PDZRN3: variants seen among roughly 807,000 people sequenced by gnomAD.
PDZRN3 encodes the protein PDZ domain containing ring finger 3.
In PDZRN3, 38 loss-of-function variants were observed where a neutral mutation model predicts 85.7. That is an observed-to-expected ratio of 0.44 (90% CI 0.34 to 0.58). PDZRN3 has a LOEUF of 0.58. PDZRN3 is among the 20% of genes least tolerant of loss of function. PDZRN3 has a pLI of 0.01. For synonymous variants in PDZRN3, 759 were observed against 638.0 expected (o/e 1.19, Z -2.86); for missense variants, 1,629 against 1,506.4 (o/e 1.08, Z -1.35).
intron 3 of PDZRN3, among the ~76,000 whole-genome samples, chr3:73,452,064 G>C (rs941393517): frequency 2.4e-4 from 36 of 152,136 alleles, no homozygotes; most frequent in African/African-American, 8.0e-4. Flanking sequence ...AGTTAGCTCA[G>C]CTATGGGCTA....
chr3:73,547,085 C>T (rs1170804617), intron 3 of PDZRN3, among the ~76,000 whole-genome samples: 1 of 152,098 alleles, frequency 6.6e-6, no homozygotes, highest in Non-Finnish European at 1.5e-5. Context: ...TTCCTTCCAC[C>T]CCACTCACGA....
chr3:73,469,884 C>A (rs571540203), intron 3 of PDZRN3, among the ~76,000 whole-genome samples: 1 of 152,338 alleles, frequency 6.6e-6, no homozygotes, highest in South Asian at 2.1e-4. Context: ...TTCTCAACTT[C>A]AGCCCTGTTG....
rs377746907 is a variant in PDZRN3, at chr3:73,572,624, A to G, written c.918+29730T>C. ...CCACAGTTGGTTGCGTCCTTGTTCC[A>G]AGCACACCTGAGTCACTGCAAGCAG... On this transcript the variant is annotated intron_variant, in intron 3 of 9. Transcript: ENST00000263666. Among the ~76,000 whole-genome samples the G allele has an allele frequency of 3.7e-4, 56 of 152,298 alleles. No individual in the cohort carries two copies. The South Asian group carries it at 0.011, about 31-fold the overall frequency.
chr3:73,414,500 A>AT (rs1204867545), intron 3 of PDZRN3, among the ~76,000 whole-genome samples: 2 of 152,228 alleles, frequency 1.3e-5, no homozygotes, highest in Non-Finnish European at 2.9e-5. Context: ...ATCAAAATTA[A>AT]TTTTGGCTCC....
At chr3:73,459,645 G>T (rs886208750) in intron 3 of PDZRN3, among the ~76,000 whole-genome samples, 1 of 152,116 alleles carries the variant, frequency 6.6e-6, no homozygotes. Context: ...TAAGGATAAT[G>T]CCCCCCAACT....
At chr3:73,501,613 CA>C (rs1401104505) in intron 3 of PDZRN3, among the ~76,000 whole-genome samples, 1 of 152,196 alleles carries the variant, frequency 6.6e-6, no homozygotes, top group Non-Finnish European at 1.5e-5. Context: ...GAAGTGGATG[CA>C]ACGCGAGGCT....
chr3:73,539,844 C>G (rs985426682), intron 3 of PDZRN3, among the ~76,000 whole-genome samples: 4 of 151,842 alleles, frequency 2.6e-5, no homozygotes, highest in African/African-American at 9.7e-5. Flanking sequence ...TACACAATTC[C>G]AAGCATCAGA....
intron 3 of PDZRN3, among the ~76,000 whole-genome samples, chr3:73,455,454 C>T (rs906249505): frequency 9.2e-5 from 14 of 152,176 alleles, no homozygotes; most frequent in Admixed American, 2.0e-4. Flanking sequence ...GTCCCGACTC[C>T]ACACTTGTGA....
At chr3:73,413,884 A>G (rs1423861480) in intron 3 of PDZRN3, among the ~76,000 whole-genome samples, 1 of 152,160 alleles carries the variant, frequency 6.6e-6, no homozygotes, top group Non-Finnish European at 1.5e-5. Context: ...AGCTGAGTCT[A>G]CTGACCTTTC....
At chr3:73,441,014 C>T (rs907423292) in intron 3 of PDZRN3, among the ~76,000 whole-genome samples, 2 of 152,124 alleles carry the variant, frequency 1.3e-5, no homozygotes, top group Non-Finnish European at 2.9e-5. Context: ...GTGCAGGGGT[C>T]GGCAAACTTT....
intron 3 of PDZRN3, chr3:73,569,446 G>GGCGA: frequency 8.8e-7 from 1 of 1,141,782 alleles, no homozygotes; most frequent in Non-Finnish European, 1.1e-6. Context: ...GTTCTCTTAA[G>GGCGA]CCCCGAGGCG....
intron 3 of PDZRN3, among the ~76,000 whole-genome samples, chr3:73,436,592 A>G (rs1315718942): frequency 6.6e-6 from 1 of 151,586 alleles, no homozygotes; most frequent in Non-Finnish European, 1.5e-5. Context: ...AAATGGGCCT[A>G]AGCTACATGA....
chr3:73,416,734 GTGGGGGAAGCTCTAC>G (rs2106762659), intron 3 of PDZRN3, among the ~76,000 whole-genome samples: 1 of 152,292 alleles, frequency 6.6e-6, no homozygotes, highest in African/African-American at 2.4e-5. Context: ...CCTAGCCCCA[GTGGGGGAAGCTCTAC>G]CCACTTGCTC....
At chr3:73,434,944 C>T (rs779237161) in intron 3 of PDZRN3, among the ~76,000 whole-genome samples, 5 of 152,182 alleles carry the variant, frequency 3.3e-5, no homozygotes, top group Non-Finnish European at 5.9e-5. Flanking sequence ...ATTGCCTGAA[C>T]GAAATGCACA....
At position 73,516,281 on chromosome 3, in the gene PDZRN3, T is replaced by C. The variant is rs574550147; in HGVS notation, c.918+86073A>G. On this transcript the variant is annotated intron_variant, in intron 3 of 9. Transcript: ENST00000263666. ...TATGGAATTTATAAGCCAGACAGAA[T>C]GAACATTTTAATTTTAATAGATATT... is the stretch of plus-strand genomic sequence containing the variant. Among the ~76,000 whole-genome samples the C allele has an allele frequency of 1.2e-4, 19 of 152,358 alleles. No individual in the cohort carries two copies. In the East Asian group the frequency reaches 2.3e-3, roughly 19 times the overall value.
chr3:73,530,610 C>T (rs766550464), intron 3 of PDZRN3, among the ~76,000 whole-genome samples: 2 of 151,760 alleles, frequency 1.3e-5, no homozygotes, highest in Admixed American at 1.3e-4. Flanking sequence ...TGAATATAGT[C>T]TCTTAAATTG....
At chr3:73,577,063 C>G (rs1010199293) in intron 3 of PDZRN3, among the ~76,000 whole-genome samples, 1 of 152,158 alleles carries the variant, frequency 6.6e-6, no homozygotes, top group Admixed American at 6.5e-5. Context: ...TAAATGGAGT[C>G]GCTCACTCAT....
chr3:73,397,589 C>T (rs1052517947), intron 5 of PDZRN3, among the ~76,000 whole-genome samples: 4 of 152,226 alleles, frequency 2.6e-5, no homozygotes, highest in Non-Finnish European at 5.9e-5. Flanking sequence ...GAGAGACACA[C>T]CTCTGAAACA....
chr3:73,520,294 C>T (rs1202111395), intron 3 of PDZRN3, among the ~76,000 whole-genome samples: 1 of 152,044 alleles, frequency 6.6e-6, no homozygotes, highest in Non-Finnish European at 1.5e-5. Flanking sequence ...TGTTTGATCC[C>T]AGAAGTTCAA....
Sources: gnomAD v4.1 joint callset for allele counts (sites outside exome capture counted in the v4.1 genomes callset) on GRCh38, gnomAD v4.1.1 for gene constraint, MANE v1.5 for transcripts, NCBI Gene and HGNC (gene_info 2026-07-23, HGNC 2026-07-21) for gene names.